The following SLC66A2 variants were observed in gnomAD, a reference collection of about 807,000 sequenced individuals.
SLC66A2 encodes solute carrier family 66 member 2, also known as PQ loop repeat containing 1.
SLC66A2 carries 23 observed loss-of-function variants against 25.5 expected under a neutral mutation model. That is an observed-to-expected ratio of 0.90 (90% CI 0.65 to 1.28). SLC66A2 has a LOEUF of 1.28. Among genes scored for constraint, SLC66A2 ranks in the 50% most tolerant of loss-of-function variants. SLC66A2 has a pLI of 0.00. For missense variants in SLC66A2, 396 were observed against 373.1 expected (o/e 1.06, Z -0.51); for synonymous variants, 193 against 166.5 (o/e 1.16, Z -1.23).
intron 4 of SLC66A2, among the ~76,000 whole-genome samples, chr18:79,926,841 T>C (rs1284536578): frequency 1.3e-5 from 2 of 152,106 alleles, no homozygotes; most frequent in African/African-American, 4.8e-5. Flanking sequence ...CCACTCTAAT[T>C]TTCCTAGTTG....
chr18:79,923,836 C>T, intron 4 of SLC66A2, among the ~76,000 whole-genome samples: 1 of 152,054 alleles, frequency 6.6e-6, no homozygotes, highest in East Asian at 1.9e-4. Flanking sequence ...TCACTTGAGT[C>T]CAGGAGGTCT....
At chr18:79,949,219 G>A (rs979036755) in intron 2 of SLC66A2, among the ~76,000 whole-genome samples, 2 of 152,172 alleles carry the variant, frequency 1.3e-5, no homozygotes, top group African/African-American at 2.4e-5. Context: ...TGGACCAATG[G>A]CTGCCCATGG....
intron 5 of SLC66A2, among the ~76,000 whole-genome samples, chr18:79,907,723 T>G: frequency 6.6e-6 from 1 of 151,960 alleles, no homozygotes; most frequent in Non-Finnish European, 1.5e-5. Context: ...CTCACACCCC[T>G]GCCCAAGGAA....
In SLC66A2 at chr18:79,918,823, G is replaced by GC. The variant is rs1188603222; in HGVS notation, c.608+360dup. 6.6e-6 allele frequency among the ~76,000 whole-genome samples: 1 copy of GC among 152,172 alleles called. No individual in the cohort carries two copies. Among genetic ancestry groups the GC allele is most frequent in the Non-Finnish European group, 1.5e-5 (1 of 68,016 alleles). ...AGGCAGCCCCCAGACCACCTTCCCTGCCCCACCAGACCCGCCCTGACCCTG... is the reference window on the plus strand; with the variant it reads ...AGGCAGCCCCCAGACCACCTTCCCTGCCCCCACCAGACCCGCCCTGACCCTG... On this transcript the variant is annotated intron_variant, in intron 5 of 5. Coordinates refer to ENST00000397778, the MANE Select transcript of SLC66A2 (RefSeq NM_025078.5). The surrounding 1 kb of genome is among the most constrained non-coding windows in gnomAD (Gnocchi z 4.0).
At chr18:79,949,494 T>A (rs1434295809) in intron 2 of SLC66A2, 1 of 152,048 alleles carries the variant, frequency 6.6e-6, no homozygotes, top group East Asian at 1.9e-4. Context: ...TGAAACCTGG[T>A]CTCTACTAAA....
chr18:79,930,360 CT>C (rs1032988682), intron 4 of SLC66A2: 14 of 152,064 alleles, frequency 9.2e-5, no homozygotes, highest in African/African-American at 3.4e-4. Context: ...TCTAGTAAAA[CT>C]TTTTTTAAAA....
intron 2 of SLC66A2, among the ~76,000 whole-genome samples, chr18:79,947,876 C>T (rs888066847): frequency 6.6e-6 from 1 of 152,078 alleles, no homozygotes; most frequent in Non-Finnish European, 1.5e-5. Context: ...GGTCATCATC[C>T]CCCTCTGCAC....
rs931905242 is a variant in SLC66A2, at chr18:79,918,598, T to A, written c.608+586A>T. Among the ~76,000 whole-genome samples the A allele has an allele frequency of 6.6e-6, 1 of 152,254 alleles. No individual in the cohort carries two copies. ...TACAATGCAGTTTCCATCCAGGACC[T>A]TGACTGAGCCCGTGGGCATCATGCT... On this transcript the variant is annotated intron_variant, in intron 5 of 5. Coordinates refer to ENST00000397778, the MANE Select transcript of SLC66A2 (RefSeq NM_025078.5). This position sits in a 1 kb window ranked among gnomAD's most constrained non-coding sequence, Gnocchi z 4.0.
At chr18:79,922,520 T>G (rs891443552) in intron 4 of SLC66A2, among the ~76,000 whole-genome samples, 1 of 152,050 alleles carries the variant, frequency 6.6e-6, no homozygotes, top group Non-Finnish European at 1.5e-5. Flanking sequence ...TCGGCCACGG[T>G]GCCGCTCAGT....
chr18:79,951,323 G>C (rs2145009044), intron 1 of SLC66A2, among the ~76,000 whole-genome samples: 1 of 151,820 alleles, frequency 6.6e-6, no homozygotes. Flanking sequence ...GATGGGGTGG[G>C]GGAGGGGGCG....
rs372543103 is a variant in SLC66A2, at chr18:79,904,204, G to A, written c.609-21C>T. 38 of 1,609,370 alleles carry A rather than the reference G, an allele frequency of 2.4e-5. 1 individual carries two copies. The highest frequency in any genetic ancestry group is 1.7e-4 in the Middle Eastern group (1 of 6,048). On this transcript the variant is annotated intron_variant, in intron 5 of 5. Coordinates refer to ENST00000397778, the MANE Select transcript of SLC66A2 (RefSeq NM_025078.5). This position sits in a 1 kb window ranked among gnomAD's most constrained non-coding sequence, Gnocchi z 6.3. ...TGATGCTGTGGAGACACAAGCAGGC[G>A]GTCAGCGGTGGGGAGGGCGGCGACC...
chr18:79,908,347 C>G (rs1176567250), intron 5 of SLC66A2, among the ~76,000 whole-genome samples: 3 of 149,920 alleles, frequency 2.0e-5, no homozygotes, highest in Non-Finnish European at 4.4e-5. Flanking sequence ...ATATAGAATT[C>G]TGGGTCAAAC....
At chr18:79,948,138 A>T (rs1599670998) in intron 2 of SLC66A2, among the ~76,000 whole-genome samples, 1 of 152,338 alleles carries the variant, frequency 6.6e-6, no homozygotes, top group Non-Finnish European at 1.5e-5. Context: ...GAAGAGACCC[A>T]TGGACAAAGT....
chr18:79,929,165 A>G (rs1163292065), intron 4 of SLC66A2, among the ~76,000 whole-genome samples: 5 of 152,208 alleles, frequency 3.3e-5, no homozygotes, highest in Non-Finnish European at 7.3e-5. Context: ...ACAGAACCAG[A>G]AAGGACAACC....
At position 79,925,702 on chromosome 18, in the gene SLC66A2, A is replaced by G. The variant is rs375630676; in HGVS notation, c.392-6302T>C. On this transcript the variant is annotated intron_variant, in intron 4 of 5. Transcript: ENST00000397778. The stretch of plus-strand genomic sequence containing the variant: ...TACCACTTGGGGAATGTGCACCAGG[A>G]GACTGTCTCCTAATGGGTAAGGAAG... Among the ~76,000 whole-genome samples, 155 of 152,348 alleles carry G rather than the reference A, an allele frequency of 1.0e-3. 2 individuals are homozygous for G. The South Asian group carries it at 0.029, about 29-fold the overall frequency.
chr18:79,950,480 T>A (rs1315237237), intron 2 of SLC66A2, among the ~76,000 whole-genome samples: 1 of 152,242 alleles, frequency 6.6e-6, no homozygotes, highest in African/African-American at 2.4e-5. Flanking sequence ...TGGAACATCA[T>A]GCAAGGAGGC....
intron 5 of SLC66A2, among the ~76,000 whole-genome samples, chr18:79,916,181 CTCCCAT>C (rs1984081924): frequency 1.7e-5 from 1 of 60,408 alleles, no homozygotes; most frequent in Non-Finnish European, 4.3e-5. Flanking sequence ...CTCCCGTACC[CTCCCAT>C]ACCCACGGTG....
rs367552407 is a variant in SLC66A2 at position 79,917,407 on chromosome 18, C to T, written c.608+1777G>A. The stretch of plus-strand genomic sequence containing the variant: ...GGCCAGGAGGCCGGCATGTGGGGTC[C>T]GGATCCGCTAGACCCTCACCACGAG... On this transcript the variant is annotated intron_variant, in intron 5 of 5. Coordinates refer to ENST00000397778, the MANE Select transcript of SLC66A2 (RefSeq NM_025078.5). The surrounding 1 kb of genome is among the most constrained non-coding windows in gnomAD (Gnocchi z 6.0). Among the ~76,000 whole-genome samples, 6 of 152,290 alleles carry T rather than the reference C, an allele frequency of 3.9e-5. No individual in the cohort carries two copies. Among genetic ancestry groups the T allele is most frequent in the East Asian group, 1.9e-4 (1 of 5,178 alleles).
intron 4 of SLC66A2, among the ~76,000 whole-genome samples, chr18:79,931,014 T>G (rs1986518204): frequency 6.6e-6 from 1 of 152,170 alleles, no homozygotes; most frequent in South Asian, 2.1e-4. Flanking sequence ...TTGAAGTAGA[T>G]TCTGATAAGT....
Sources: allele counts gnomAD v4.1 joint callset (sites outside exome capture counted in the v4.1 genomes callset), GRCh38; gene constraint gnomAD v4.1.1; non-coding constraint Gnocchi (gnomAD v3.1); transcripts MANE v1.5; gene names NCBI Gene and HGNC (gene_info 2026-07-23, HGNC 2026-07-21).